The following CABCOCO1 variants were observed in gnomAD, a reference collection of about 807,000 sequenced individuals.
The protein encoded by CABCOCO1 is ciliary associated calcium binding coiled-coil 1.
Under a neutral mutation model 35.7 loss-of-function variants are expected in CABCOCO1, and 28 were observed. The observed-to-expected ratio is 0.78, with a 90% CI of 0.58 to 1.07. The LOEUF (loss-of-function observed/expected upper bound fraction) is 1.07. Ranked by LOEUF, CABCOCO1 falls within the 50% of genes least tolerant of loss-of-function variation. CABCOCO1 has a pLI of 0.00. For synonymous variants in CABCOCO1, 95 were observed against 100.1 expected, an observed-to-expected ratio of 0.95 and a Z score of 0.30; for missense variants, 326 against 309.2, an observed-to-expected ratio of 1.05 and a Z score of -0.41.
At chr10:61,681,349 T>G in intron 3 of CABCOCO1, 37 bp downstream of exon 3, 1 of 1,403,616 alleles carries the variant, frequency 7.1e-7, no homozygotes, top group Non-Finnish European at 9.8e-7. Context: ...AAAACAAATT[T>G]AATTTACCAT....
intron 5 of CABCOCO1, among the ~76,000 whole-genome samples, chr10:61,720,927 T>A (rs1328238125): frequency 2.2e-5 from 2 of 88,904 alleles, no homozygotes; most frequent in African/African-American, 4.4e-5. Context: ...CTTTTTTTTT[T>A]TTTTTTTTTT....
At chr10:61,680,431 TTAACATATATAATATATTTTATATA>T (rs1839686582) in intron 2 of CABCOCO1, among the ~76,000 whole-genome samples, 1 of 111,072 alleles carries the variant, frequency 9.0e-6, no homozygotes, top group African/African-American at 3.0e-5. Flanking sequence ...TATTTATATA[TTAACATATATAATATATTTTATATA>T]TAACATATAT....
At chr10:61,713,833 A>T (rs987283628) in intron 5 of CABCOCO1, among the ~76,000 whole-genome samples, 2 of 152,186 alleles carry the variant, frequency 1.3e-5, no homozygotes, top group Non-Finnish European at 2.9e-5. Context: ...CATATGTGGA[A>T]CCAGCCTTGC....
At chr10:61,764,407 AAGTATATC>A (rs549431783) in intron 7 of CABCOCO1, among the ~76,000 whole-genome samples, 411 of 152,254 alleles carry the variant, frequency 2.7e-3, no homozygotes, top group Non-Finnish European at 5.0e-3. Context: ...AACATTGGTG[AAGTATATC>A]ACAAAATTGG....
At chr10:61,686,208 T>C (rs757494887) in intron 4 of CABCOCO1, 23 bp downstream of exon 4, 12 of 1,502,788 alleles carry the variant, frequency 8.0e-6, no homozygotes, top group South Asian at 3.9e-5. Flanking sequence ...TTCAGTAACA[T>C]TTATTTTTCA....
chr10:61,735,449 G>A (rs1841395016), intron 5 of CABCOCO1, among the ~76,000 whole-genome samples: 1 of 152,030 alleles, frequency 6.6e-6, no homozygotes, highest in Non-Finnish European at 1.5e-5. Flanking sequence ...AAGTTAGACG[G>A]AGAGCTACAG....
chr10:61,749,227 A>G (rs1460784469), intron 5 of CABCOCO1, among the ~76,000 whole-genome samples: 1 of 152,216 alleles, frequency 6.6e-6, no homozygotes, highest in African/African-American at 2.4e-5. Flanking sequence ...ATTACAGTGC[A>G]CAGTGGAAGA....
At chr10:61,707,724 C>T (rs1840628148) in intron 5 of CABCOCO1, among the ~76,000 whole-genome samples, 1 of 152,048 alleles carries the variant, frequency 6.6e-6, no homozygotes, top group South Asian at 2.1e-4. Context: ...GTGAGAAAAA[C>T]GTGTTGCAAT....
At chr10:61,744,356 G>C (rs1473419658) in intron 5 of CABCOCO1, among the ~76,000 whole-genome samples, 1 of 152,088 alleles carries the variant, frequency 6.6e-6, no homozygotes, top group Non-Finnish European at 1.5e-5. Context: ...GTCATATTTT[G>C]AGAATGCAGT....
chr10:61,673,145 T>C (rs1396528684), intron 2 of CABCOCO1, among the ~76,000 whole-genome samples: 1 of 152,216 alleles, frequency 6.6e-6, no homozygotes, highest in African/African-American at 2.4e-5. Context: ...TTGGAAATCT[T>C]GAGTATTTGC....
chr10:61,710,610 A>AT (rs1840711589), intron 5 of CABCOCO1, among the ~76,000 whole-genome samples: 1 of 151,958 alleles, frequency 6.6e-6, no homozygotes, highest in Non-Finnish European at 1.5e-5. Flanking sequence ...GTAAAAAACC[A>AT]TGCTCTAATC....
At chr10:61,733,806 A>C (rs1841356633) in intron 5 of CABCOCO1, among the ~76,000 whole-genome samples, 3 of 151,988 alleles carry the variant, frequency 2.0e-5, no homozygotes, top group African/African-American at 7.2e-5. Context: ...TTTTTACTTA[A>C]ATAGTTGAAT....
chr10:61,751,583 C>T (rs1452890255), intron 5 of CABCOCO1, among the ~76,000 whole-genome samples: 2 of 152,048 alleles, frequency 1.3e-5, no homozygotes, highest in African/African-American at 2.4e-5. Context: ...AAGCTTCAGC[C>T]TGTCAATGAT....
intron 5 of CABCOCO1, among the ~76,000 whole-genome samples, chr10:61,740,739 T>G (rs899521831): frequency 1.3e-5 from 2 of 152,172 alleles, no homozygotes; most frequent in African/African-American, 4.8e-5. Context: ...AAAATTAAAA[T>G]ATAGTGGAAT....
intron 5 of CABCOCO1, among the ~76,000 whole-genome samples, chr10:61,706,731 G>T (rs1840601077): frequency 1.3e-5 from 2 of 152,080 alleles, no homozygotes; most frequent in African/African-American, 2.4e-5. Flanking sequence ...TGCTGGCAGG[G>T]TGCCTGGGTG....
chr10:61,743,165 G>A (rs1188487109), intron 5 of CABCOCO1, among the ~76,000 whole-genome samples: 1 of 152,100 alleles, frequency 6.6e-6, no homozygotes, highest in Non-Finnish European at 1.5e-5. Flanking sequence ...AATCAAGCAG[G>A]CTTCCTCTCA....
chr10:61,700,692 G>A (rs998540175), intron 5 of CABCOCO1, among the ~76,000 whole-genome samples: 1 of 151,968 alleles, frequency 6.6e-6, no homozygotes, highest in Non-Finnish European at 1.5e-5. Context: ...GCAGAAATAT[G>A]GGTGCATATA....
In CABCOCO1 at chr10:61,761,012, T is replaced by TATTG. The variant is rs934547949; in HGVS notation, c.816+12_816+15dup. The stretch of plus-strand genomic sequence containing the variant: ...TTTTAATCGGCATTCAGGTACTCAG[T>TATTG]ATTGATAGTATGCTCACTTACTTTA... On this transcript the variant is annotated intron_variant, in intron 7 of 7. Coordinates refer to ENST00000648843, the MANE Select transcript of CABCOCO1 (RefSeq NM_001366906.2). 6 of 1,610,830 alleles carry TATTG rather than the reference T, an allele frequency of 3.7e-6. No individual in the cohort carries two copies. Among genetic ancestry groups the TATTG allele is most frequent in the Non-Finnish European group, 3.4e-6 (4 of 1,178,434 alleles).
At chr10:61,713,737 C>T (rs1023359760) in intron 5 of CABCOCO1, among the ~76,000 whole-genome samples, 4 of 151,632 alleles carry the variant, frequency 2.6e-5, no homozygotes, top group African/African-American at 9.7e-5. Flanking sequence ...TGAATTTTGT[C>T]GAAGGCCTTT....
Sources: gnomAD v4.1 joint callset for allele counts (sites outside exome capture counted in the v4.1 genomes callset) on GRCh38, gnomAD v4.1.1 for gene constraint, MANE v1.5 for transcripts, NCBI Gene and HGNC (gene_info 2026-07-23, HGNC 2026-07-21) for gene names.